Variants in CEBPA observed in about 807,000 individuals in gnomAD.
The protein encoded by CEBPA is CCAAT/enhancer-binding protein alpha.
CEBPA carries 2 observed loss-of-function variants against 5.1 expected under a neutral mutation model. The observed-to-expected ratio is 0.39, with a 90% CI of 0.16 to 1.23. The LOEUF is 1.23. Ranked by LOEUF, CEBPA falls within the 50% of genes most tolerant of loss-of-function variation. The pLI is 0.34. For synonymous variants in CEBPA, 275 were observed against 264.1 expected (o/e 1.04, Z -0.40); for missense variants, 455 against 537.4 (o/e 0.85, Z 1.52).
At position 33,301,318 on chromosome 19, in the gene CEBPA, C is replaced by A. The variant is rs148740083; in HGVS notation, c.*20G>T. ...GTCCCCGCCGGAGGCTGGCCCAGGG[C>A]GGTCCCACAGCCGCGCGCCTCACGC... On this transcript the variant is annotated 3_prime_UTR_variant, in exon 1 of 1. Transcript: ENST00000498907. The surrounding 1 kb of genome is among the most constrained non-coding windows in gnomAD (Gnocchi z 6.0). The A allele has an allele frequency of 3.0e-4, 479 of 1,572,674 alleles. 1 individual carries two copies. In the African/African-American group the frequency reaches 5.0e-3, roughly 16 times the overall value.
At position 33,302,178 on chromosome 19, in the gene CEBPA, G is replaced by T; in HGVS notation, c.237C>A (p.Ala79=). The T allele has an allele frequency of 6.7e-7, 1 of 1,484,008 alleles. No homozygotes were observed. Among genetic ancestry groups the T allele is most frequent in the African/African-American group, 1.5e-5 (1 of 68,418 alleles). The allele number at this position is 1,484,008 out of a possible 1,614,324, so 91.9% of individuals were successfully genotyped here. A position where few individuals can be genotyped will look rare whatever the true frequency, so the allele number is the denominator to read the frequency against. Residue 79 remains alanine (A), a synonymous_variant, in exon 1 of 1, where the codon GCC becomes GCA. Transcript: ENST00000498907. ...GCTGCCGGCTGTGCTGGAACAGGTCGGCCAGGAACTCGTCGTTGAAGGCGG... is the reference window on the plus strand; with the variant it reads ...GCTGCCGGCTGTGCTGGAACAGGTCTGCCAGGAACTCGTCGTTGAAGGCGG... ...DPAAFNDEFL[A]DLFQHSRQQE...
Position 33,301,119 on chromosome 19 carries a change from G to T in CEBPA, c.*219C>A. The stretch of plus-strand genomic sequence containing the variant: ...CAGCCCCAAGAATTCTCCCCTCCTC[G>T]CAGGGAGAAGCCACCGCCTGGCCCC... On this transcript the variant is annotated 3_prime_UTR_variant, in exon 1 of 1. Coordinates refer to ENST00000498907, the MANE Select transcript of CEBPA (RefSeq NM_004364.5). The surrounding 1 kb of genome is among the most constrained non-coding windows in gnomAD (Gnocchi z 6.0). 2.8e-6 allele frequency: 2 copies of T among 727,046 alleles called. No homozygotes were observed. Among genetic ancestry groups the T allele is most frequent in the Non-Finnish European group, 4.4e-6 (2 of 456,206 alleles). 45.0% of individuals were successfully genotyped at this position (727,046 alleles called of 1,614,324 possible). A position where few individuals can be genotyped will look rare whatever the true frequency, so the allele number is the denominator to read the frequency against.
Position 33,302,019 on chromosome 19 carries a change from G to T in CEBPA, c.396C>A (p.Gly132=). The T allele has an allele frequency of 8.5e-7, 1 of 1,180,880 alleles. No individual in the cohort carries two copies. Among genetic ancestry groups the T allele is most frequent in the Non-Finnish European group, 1.0e-6 (1 of 953,694 alleles). 73.2% of individuals were successfully genotyped at this position (1,180,880 alleles called of 1,614,324 possible). A position where few individuals can be genotyped will look rare whatever the true frequency, so the allele number is the denominator to read the frequency against. ...CGTCCAGGTAGCCGGCGGCCGCGCA[G>T]CCGTAGCCGGGCGGGGGCCCGTGCG... is the stretch of plus-strand genomic sequence containing the variant. ...GGAHGPPPGY[G]CAAAGYLDGR... The change falls in exon 1 of 1, where the codon GGC becomes GGA. Residue 132 remains glycine, a synonymous_variant. Transcript: ENST00000498907.
Position 33,300,564 on chromosome 19 carries a change from C to G in CEBPA, c.*774G>C, listed in dbSNP as rs1201346489. 4.3e-6 allele frequency: 1 copy of G among 233,720 alleles called. No individual in the cohort carries two copies. The highest frequency in any genetic ancestry group is 6.0e-5 in the East Asian group (1 of 16,720). 14.5% of individuals were successfully genotyped at this position (233,720 alleles called of 1,614,324 possible). A position where few individuals can be genotyped will look rare whatever the true frequency, so the allele number is the denominator to read the frequency against. ...CCGCCCCACAGCCAGATCTCTAGGTCTCCCTCTCCCACCAGGGGTATACAT... is the reference window on the plus strand; with the variant it reads ...CCGCCCCACAGCCAGATCTCTAGGTGTCCCTCTCCCACCAGGGGTATACAT... On this transcript the variant is annotated 3_prime_UTR_variant, in exon 1 of 1. Transcript: ENST00000498907.
In CEBPA at chr19:33,300,344, T is replaced by A. The variant is rs187516157; in HGVS notation, c.*994A>T. The A allele has an allele frequency of 1.3e-5, 3 of 233,814 alleles. No homozygotes were observed. The highest frequency in any genetic ancestry group is 2.5e-5 in the Non-Finnish European group (3 of 118,078). The allele number at this position is 233,814 out of a possible 1,614,324, so 14.5% of individuals were successfully genotyped here. ...TTTAGCAGAGACGCGCACATTCACA[T>A]TGCACAAGGCACTGCTGGGGCACAG... is the stretch of plus-strand genomic sequence containing the variant. On this transcript the variant is annotated 3_prime_UTR_variant, in exon 1 of 1. Coordinates refer to ENST00000498907, the MANE Select transcript of CEBPA (RefSeq NM_004364.5).
rs2145261721 is a variant in CEBPA at position 33,301,912 on chromosome 19, T to A, written c.503A>T (p.Asp168Val). 1 of 1,188,888 alleles carries A rather than the reference T, an allele frequency of 8.4e-7. No individual in the cohort carries two copies. Among genetic ancestry groups the A allele is most frequent in the Middle Eastern group, 3.5e-4 (1 of 2,854 alleles). The allele number at this position is 1,188,888 out of a possible 1,614,324, so 73.6% of individuals were successfully genotyped here. Residue 168 changes from aspartate to valine, a missense_variant, in exon 1 of 1, where the codon GAT (aspartate) becomes GTT (valine). This residue lies in a region of CEBPA where 141 missense variants were observed against 124.1 expected (regional missense o/e 1.14). Coordinates refer to ENST00000498907, the MANE Select transcript of CEBPA (RefSeq NM_004364.5). This position sits in a 1 kb window ranked among gnomAD's most constrained non-coding sequence, Gnocchi z 6.0. ...LVIKQEPREEDEAKQLALAGL... is the reference protein window; with the variant it reads ...LVIKQEPREEVEAKQLALAGL... ...GGCCAGCGCCAGCTGCTTGGCTTCA[T>A]CCTCCTCGCGGGGCTCCTGCTTGAT...
At position 33,301,781 on chromosome 19, in the gene CEBPA, G is replaced by A. The variant is rs1433126196; in HGVS notation, c.634C>T (p.His212Tyr). 1.6e-6 allele frequency: 2 copies of A among 1,214,324 alleles called. No homozygotes were observed. The highest frequency in any genetic ancestry group is 2.0e-6 in the Non-Finnish European group (2 of 976,074). The allele number at this position is 1,214,324 out of a possible 1,614,324, so 75.2% of individuals were successfully genotyped here. A position where few individuals can be genotyped will look rare whatever the true frequency, so the allele number is the denominator to read the frequency against. ...AGGTGCATGGTGGTCTGGCCGCAGTGCGCGATCTGGAACTGCAGGTGCGGG... is the reference window on the plus strand; with the variant it reads ...AGGTGCATGGTGGTCTGGCCGCAGTACGCGATCTGGAACTGCAGGTGCGGG... ...AAPHLQFQIA[H>Y]CGQTTMHLQP... Residue 212 changes from histidine to tyrosine, a missense_variant, in exon 1 of 1, where the codon CAC becomes TAC. Physicochemically the swap from His to Tyr is moderately conservative, Grantham distance 83 (BLOSUM62 2). Around this residue, in one of 5 missense-constraint regions of CEBPA, gnomAD observed 118 missense variants for 189.3 expected, o/e 0.62. Transcript: ENST00000498907. The surrounding 1 kb of genome is among the most constrained non-coding windows in gnomAD (Gnocchi z 6.0).
Position 33,301,063 on chromosome 19 carries a change from C to T in CEBPA, c.*275G>A, listed in dbSNP as rs1967145160. ...TTGCATTTCCAAGGCACAAGGTTAT[C>T]CTAAATACTAGAGTTGCCGGGCTCC... On this transcript the variant is annotated 3_prime_UTR_variant, in exon 1 of 1. Transcript: ENST00000498907. This position sits in a 1 kb window ranked among gnomAD's most constrained non-coding sequence, Gnocchi z 6.0. 1 of 569,936 alleles carries T rather than the reference C, an allele frequency of 1.8e-6. No homozygotes were observed. Among genetic ancestry groups the T allele is most frequent in the Non-Finnish European group, 3.1e-6 (1 of 320,654 alleles). The allele number at this position is 569,936 out of a possible 1,614,324, so 35.3% of individuals were successfully genotyped here.
Position 33,301,314 on chromosome 19 carries a change from AG to A in CEBPA, c.*23del. ...CTGGGTCCCCGCCGGAGGCTGGCCC[AG>A]GGCGGTCCCACAGCCGCGCGCCTCA... On this transcript the variant is annotated 3_prime_UTR_variant, in exon 1 of 1. Coordinates refer to ENST00000498907, the MANE Select transcript of CEBPA (RefSeq NM_004364.5). The surrounding 1 kb of genome is among the most constrained non-coding windows in gnomAD (Gnocchi z 6.0). 1 of 1,568,884 alleles carries A rather than the reference AG, an allele frequency of 6.4e-7. No homozygotes were observed.
chr19:33,301,911 A>G lies in CEBPA; in HGVS notation c.504T>C (p.Asp168=), dbSNP rs1308301997. 2 of 1,283,344 alleles carry G rather than the reference A, an allele frequency of 1.6e-6. No individual in the cohort carries two copies. The highest frequency in any genetic ancestry group is 2.0e-6 in the Non-Finnish European group (2 of 1,009,492). The allele number at this position is 1,283,344 out of a possible 1,614,324, so 79.5% of individuals were successfully genotyped here. A position where few individuals can be genotyped will look rare whatever the true frequency, so the allele number is the denominator to read the frequency against. Residue 168 remains aspartate, a synonymous_variant, in exon 1 of 1, where the codon GAT becomes GAC. Transcript: ENST00000498907. The surrounding 1 kb of genome is among the most constrained non-coding windows in gnomAD (Gnocchi z 6.0). ...CGGCCAGCGCCAGCTGCTTGGCTTCATCCTCCTCGCGGGGCTCCTGCTTGA... is the reference window on the plus strand; with the variant it reads ...CGGCCAGCGCCAGCTGCTTGGCTTCGTCCTCCTCGCGGGGCTCCTGCTTGA... ...LVIKQEPREE[D]EAKQLALAGL...
rs1967140612 is a variant in CEBPA, at chr19:33,300,865, C to CTGGCGGGCT, written c.*464_*472dup. 1 of 255,224 alleles carries CTGGCGGGCT rather than the reference C, an allele frequency of 3.9e-6. No homozygotes were observed. The highest frequency in any genetic ancestry group is 5.5e-5 in the East Asian group (1 of 18,066). 15.8% of individuals were successfully genotyped at this position (255,224 alleles called of 1,614,324 possible). A position where few individuals can be genotyped will look rare whatever the true frequency, so the allele number is the denominator to read the frequency against. On this transcript the variant is annotated 3_prime_UTR_variant, in exon 1 of 1. Transcript: ENST00000498907. ...GACAGGCGTGGAGGAGCGGCTGGGGCTGGCGGGCTTGTCGGGATCTCAGCT... is the reference window on the plus strand; with the variant it reads ...GACAGGCGTGGAGGAGCGGCTGGGGCTGGCGGGCTTGGCGGGCTTGTCGGGATCTCAGCT...
At position 33,301,242 on chromosome 19, in the gene CEBPA, C is replaced by T. The variant is rs1386610898; in HGVS notation, c.*96G>A. ...GCACCGGAATCTCCTAGTCCTGGCTCGCACGGCTCGGGCAAGCCTCGAGAT... is the reference window on the plus strand; with the variant it reads ...GCACCGGAATCTCCTAGTCCTGGCTTGCACGGCTCGGGCAAGCCTCGAGAT... On this transcript the variant is annotated 3_prime_UTR_variant, in exon 1 of 1. Coordinates refer to ENST00000498907, the MANE Select transcript of CEBPA (RefSeq NM_004364.5). This position sits in a 1 kb window ranked among gnomAD's most constrained non-coding sequence, Gnocchi z 6.0. 1.4e-6 allele frequency: 2 copies of T among 1,476,068 alleles called. No homozygotes were observed. The highest frequency in any genetic ancestry group is 1.8e-6 in the Non-Finnish European group (2 of 1,116,638). The allele number at this position is 1,476,068 out of a possible 1,614,324, so 91.4% of individuals were successfully genotyped here. A position where few individuals can be genotyped will look rare whatever the true frequency, so the allele number is the denominator to read the frequency against.
rs878854699 is a variant in CEBPA, at chr19:33,302,241, G to A, written c.174C>T (p.His58=). 1 of 1,491,178 alleles carries A rather than the reference G, an allele frequency of 6.7e-7. No individual in the cohort carries two copies. The allele number at this position is 1,491,178 out of a possible 1,614,324, so 92.4% of individuals were successfully genotyped here. ...AGGCGCTGATGTCGATGGACGTCTC[G>A]TGCTCGCAGATGCCGCCCAGCGGCT... ...APEPLGGICE[H]ETSIDISAYI... The change falls in exon 1 of 1, where the codon CAC becomes CAT. Residue 58 remains histidine, a synonymous_variant. Transcript: ENST00000498907.
At position 33,301,600 on chromosome 19, in the gene CEBPA, C is replaced by T. The variant is rs1162467731; in HGVS notation, c.815G>A (p.Gly272Asp). Reference sequence around the variant, plus strand: ...CTTGTCCACCGACTTCTTGGCCTTGCCCGCGCCGCTGCCGCCACTCGCGCG... The same window carrying T: ...CTTGTCCACCGACTTCTTGGCCTTGTCCGCGCCGCTGCCGCCACTCGCGCG... ...DLRASGGSGA[G>D]KAKKSVDKNS... Residue 272 changes from glycine (G) to aspartate (D), a missense_variant, in exon 1 of 1, where the codon GGC (glycine) becomes GAC (aspartate). Transcript: ENST00000498907. This position sits in a 1 kb window ranked among gnomAD's most constrained non-coding sequence, Gnocchi z 6.0. 2 of 1,601,144 alleles carry T rather than the reference C, an allele frequency of 1.2e-6. No homozygotes were observed. Among genetic ancestry groups the T allele is most frequent in the Non-Finnish European group, 1.7e-6 (2 of 1,175,914 alleles).
chr19:33,301,840 G>GGGTGCA lies in CEBPA; in HGVS notation c.574_575insTGCACC (p.His191_Pro192insLeuHis). 2 of 1,307,042 alleles carry GGGTGCA rather than the reference G, an allele frequency of 1.5e-6. No homozygotes were observed. The highest frequency in any genetic ancestry group is 9.7e-7 in the Non-Finnish European group (1 of 1,025,856). The allele number at this position is 1,307,042 out of a possible 1,614,324, so 81.0% of individuals were successfully genotyped here. ...GTGCGCGGGCGGCGGGTGCGGGTGCGGGTGCGAGGGCGGCGGCGGCGGCGG... is the reference window on the plus strand; with the variant it reads ...GTGCGCGGGCGGCGGGTGCGGGTGCGGGTGCAGGTGCGAGGGCGGCGGCGGCGGCGG... On this transcript the variant is annotated inframe_insertion, in exon 1 of 1. Transcript: ENST00000498907. The surrounding 1 kb of genome is among the most constrained non-coding windows in gnomAD (Gnocchi z 6.0).
chr19:33,302,274 G>T lies in CEBPA; in HGVS notation c.141C>A (p.Ala47=). The part of the protein sequence containing the change: ...AGPAQPPAPP[A]APEPLGGICE... ...AGATGCCGCCCAGCGGCTCCGGGGC[G>T]GCAGGTGGGGCGGGAGGCTGCGCGG... The change falls in exon 1 of 1, where the codon GCC becomes GCA. Residue 47 remains alanine, a synonymous_variant. Transcript: ENST00000498907. 1 of 1,484,808 alleles carries T rather than the reference G, an allele frequency of 6.7e-7. No homozygotes were observed. The highest frequency in any genetic ancestry group is 1.3e-5 in the South Asian group (1 of 77,364). 92.0% of individuals were successfully genotyped at this position (1,484,808 alleles called of 1,614,324 possible).
At position 33,302,346 on chromosome 19, in the gene CEBPA, C is replaced by CG. The variant is rs137852728; in HGVS notation, c.68dup (p.His24AlafsTer84). ...CGAAGGCGGCGCTGCTGGGCGCGTG[C>CG]GGGGGGCTCTGCAGGTGGCTGCTCA... On this transcript the variant is annotated frameshift_variant, in exon 1 of 1. Transcript: ENST00000498907. LOFTEE classifies it low-confidence loss of function (END_TRUNC). The CG allele has an allele frequency of 3.0e-6, 4 of 1,346,578 alleles. No individual in the cohort carries two copies. The highest frequency in any genetic ancestry group is 2.0e-5 in the South Asian group (1 of 49,500). 83.4% of individuals were successfully genotyped at this position (1,346,578 alleles called of 1,614,324 possible).
In CEBPA at chr19:33,301,939, A is replaced by G; in HGVS notation, c.476T>C (p.Val159Ala). 9.0e-7 allele frequency: 1 copy of G among 1,115,466 alleles called. No homozygotes were observed. Among genetic ancestry groups the G allele is most frequent in the Non-Finnish European group, 1.1e-6 (1 of 906,936 alleles). 69.1% of individuals were successfully genotyped at this position (1,115,466 alleles called of 1,614,324 possible). A position where few individuals can be genotyped will look rare whatever the true frequency, so the allele number is the denominator to read the frequency against. Reference protein sequence around the residue: ...RVGAPALRPLVIKQEPREEDE... With the variant: ...RVGAPALRPLAIKQEPREEDE... ...CTCCTCGCGGGGCTCCTGCTTGATC[A>G]CCAGCGGCCGCAGCGCCGGCGCCCC... Residue 159 changes from valine (V) to alanine (A), a missense_variant, in exon 1 of 1, where the codon GTG becomes GCG. Coordinates refer to ENST00000498907, the MANE Select transcript of CEBPA (RefSeq NM_004364.5). This position sits in a 1 kb window ranked among gnomAD's most constrained non-coding sequence, Gnocchi z 6.0.
In CEBPA at chr19:33,301,834, G is replaced by C. The variant is rs1487598012; in HGVS notation, c.581C>G (p.Pro194Arg). ...PPPPPPSHPH[P>R]HPPPAHLAAP... ...GGCCAGGTGCGCGGGCGGCGGGTGC[G>C]GGTGCGGGTGCGAGGGCGGCGGCGG... The change falls in exon 1 of 1, where the codon CCG becomes CGG. Residue 194 changes from proline (P) to arginine (R), a missense_variant. By Grantham distance (103) the Pro-to-Arg change is moderately radical. This residue lies in a region of CEBPA where 141 missense variants were observed against 124.1 expected (regional missense o/e 1.14). Transcript: ENST00000498907. This position sits in a 1 kb window ranked among gnomAD's most constrained non-coding sequence, Gnocchi z 6.0. 1 of 1,291,994 alleles carries C rather than the reference G, an allele frequency of 7.7e-7. No individual in the cohort carries two copies. Among genetic ancestry groups the C allele is most frequent in the Non-Finnish European group, 9.8e-7 (1 of 1,019,342 alleles). 80.0% of individuals were successfully genotyped at this position (1,291,994 alleles called of 1,614,324 possible). A position where few individuals can be genotyped will look rare whatever the true frequency, so the allele number is the denominator to read the frequency against.
Sources: allele counts gnomAD v4.1 joint callset, GRCh38; gene constraint gnomAD v4.1.1; regional missense constraint gnomAD v4.1.1; non-coding constraint Gnocchi (gnomAD v3.1); transcripts MANE v1.5; gene names NCBI Gene and HGNC (gene_info 2026-07-23, HGNC 2026-07-21).